The following CDK14 variants were observed in gnomAD, a reference collection of about 807,000 sequenced individuals.
The protein encoded by CDK14 is cyclin-dependent kinase 14.
CDK14 carries 34 observed loss-of-function variants against 60.7 expected under a neutral mutation model. The ratio of observed to expected loss-of-function variants is 0.56; its 90% CI spans 0.43 to 0.75. The LOEUF is 0.75. CDK14 is among the 30% of genes least tolerant of loss of function. The probability of loss-of-function intolerance (pLI) is 0.00; values close to 1 mark genes in which losing one functional copy is unlikely to be tolerated. For missense variants in CDK14, 482 were observed against 564.1 expected (o/e 0.85, Z 1.47); for synonymous variants, 197 against 203.7 (o/e 0.97, Z 0.28).
At chr7:90,716,098 A>G (rs1489620011) in intron 2 of CDK14, among the ~76,000 whole-genome samples, 1 of 151,980 alleles carries the variant, frequency 6.6e-6, no homozygotes, top group Non-Finnish European at 1.5e-5. Flanking sequence ...GAAAATGTAC[A>G]TACCTTCTTC....
chr7:90,854,239 C>T (rs1344320841), intron 5 of CDK14, among the ~76,000 whole-genome samples: 1 of 152,154 alleles, frequency 6.6e-6, no homozygotes, highest in Non-Finnish European at 1.5e-5. Context: ...CAAGGTCAGG[C>T]ACAGTGTATC....
chr7:90,840,736 T>A (rs192700583), intron 5 of CDK14, among the ~76,000 whole-genome samples: 166 of 152,328 alleles, frequency 1.1e-3, no homozygotes, highest in African/African-American at 3.8e-3. Context: ...CACTTCCACT[T>A]TGATGCATTC....
chr7:90,854,202 G>A (rs1790744858), intron 5 of CDK14, among the ~76,000 whole-genome samples: 1 of 152,122 alleles, frequency 6.6e-6, no homozygotes, highest in African/African-American at 2.4e-5. Context: ...CATTTAAAGA[G>A]AGGTTGATTT....
intron 6 of CDK14, among the ~76,000 whole-genome samples, chr7:90,885,753 A>G (rs1791922655): frequency 6.6e-6 from 1 of 152,186 alleles, no homozygotes; most frequent in African/African-American, 2.4e-5. Flanking sequence ...AAATGAGATC[A>G]TGTCCTTTGC....
At chr7:91,157,008 T>A (rs1200991690) in intron 14 of CDK14, among the ~76,000 whole-genome samples, 1 of 152,334 alleles carries the variant, frequency 6.6e-6, no homozygotes, top group East Asian at 1.9e-4. Flanking sequence ...AATTCCATCC[T>A]TGTGACTTAG....
chr7:90,839,456 G>A (rs1456834413), intron 5 of CDK14, among the ~76,000 whole-genome samples: 4 of 152,148 alleles, frequency 2.6e-5, no homozygotes, highest in Admixed American at 6.6e-5. Flanking sequence ...TTCTAGTGAC[G>A]AAGGTTGTAT....
chr7:90,691,109 A>G (rs1801542721), intron 2 of CDK14, among the ~76,000 whole-genome samples: 1 of 152,062 alleles, frequency 6.6e-6, no homozygotes, highest in Non-Finnish European at 1.5e-5. Flanking sequence ...TGGTCACACA[A>G]TTTGGTGTTT....
intron 14 of CDK14, among the ~76,000 whole-genome samples, chr7:91,125,536 G>T (rs896628299): frequency 6.6e-6 from 1 of 151,064 alleles, no homozygotes; most frequent in Non-Finnish European, 1.5e-5. Context: ...ACCAACGCAT[G>T]CACACACACA....
At chr7:91,119,811 A>T (rs1330105840) in intron 14 of CDK14, among the ~76,000 whole-genome samples, 1 of 152,154 alleles carries the variant, frequency 6.6e-6, no homozygotes, top group Non-Finnish European at 1.5e-5. Context: ...CAGTCAGAAG[A>T]TGTTACTGTT....
At position 90,861,731 on chromosome 7, in the gene CDK14, A is replaced by G. The variant is rs563817073; in HGVS notation, c.545-1444A>G. Among the ~76,000 whole-genome samples the G allele has an allele frequency of 6.6e-5, 10 of 152,280 alleles. 1 individual carries two copies. The highest frequency in any genetic ancestry group is 2.4e-4 in the African/African-American group (10 of 41,570). ...CCAAACCCTTCTTCTTTCGTCTCCC[A>G]GTGCCAGCTGTAAAAAGTACATAGA... On this transcript the variant is annotated intron_variant, in intron 5 of 14. Transcript: ENST00000380050.
intron 2 of CDK14, among the ~76,000 whole-genome samples, chr7:90,690,452 C>T (rs896574143): frequency 7.9e-5 from 12 of 152,156 alleles, no homozygotes; most frequent in Admixed American, 5.9e-4. Context: ...ATGGCAATAC[C>T]TGTAAAATAC....
chr7:91,043,636 CTT>C (rs1797151261), intron 10 of CDK14, among the ~76,000 whole-genome samples: 1 of 152,208 alleles, frequency 6.6e-6, no homozygotes, highest in Non-Finnish European at 1.5e-5. Context: ...TGTTACAACT[CTT>C]CAGCCCTCTT....
At chr7:90,696,124 A>G (rs1801649915) in intron 2 of CDK14, among the ~76,000 whole-genome samples, 1 of 152,170 alleles carries the variant, frequency 6.6e-6, no homozygotes, top group Admixed American at 6.5e-5. Flanking sequence ...AGTGGGATTT[A>G]AGTATGTTCT....
chr7:90,606,807 A>C (rs1361361061), intron 2 of CDK14, among the ~76,000 whole-genome samples: 2 of 152,196 alleles, frequency 1.3e-5, no homozygotes, highest in Admixed American at 1.3e-4. Flanking sequence ...AGAGTGATGA[A>C]TTAGGTGTTA....
chr7:90,970,737 G>A (rs1198943140), intron 9 of CDK14, among the ~76,000 whole-genome samples: 2 of 152,192 alleles, frequency 1.3e-5, no homozygotes, highest in African/African-American at 4.8e-5. Flanking sequence ...CATGGAGACT[G>A]CTGGAGTTCC....
chr7:91,173,475 G>A (rs1021362887), intron 14 of CDK14, among the ~76,000 whole-genome samples: 3 of 151,824 alleles, frequency 2.0e-5, no homozygotes, highest in African/African-American at 7.3e-5. Context: ...AATAGGAACA[G>A]CTCCGGTCTA....
chr7:91,144,249 A>G (rs1300452114), intron 14 of CDK14, among the ~76,000 whole-genome samples: 1 of 152,250 alleles, frequency 6.6e-6, no homozygotes, highest in East Asian at 1.9e-4. Context: ...AGTAAGAAAT[A>G]AAAAGTATAA....
rs1562917714 is a variant in CDK14 at position 91,131,245 on chromosome 7, C to T, written c.*28+13037C>T. ...ATGACCTGGATGCTTTTGAAGAGTA[C>T]TGTTCAGGTATTTTGCAGAATGTCC... is the stretch of plus-strand genomic sequence containing the variant. On this transcript the variant is annotated intron_variant, in intron 14 of 14. Coordinates refer to ENST00000380050, the MANE Select transcript of CDK14 (RefSeq NM_001287135.2). Among the ~76,000 whole-genome samples the T allele has an allele frequency of 2.0e-5, 3 of 151,972 alleles. 1 individual carries two copies. The highest frequency in any genetic ancestry group is 4.1e-4 in the South Asian group (2 of 4,822).
chr7:90,643,261 T>A (rs1450969302), intron 2 of CDK14, among the ~76,000 whole-genome samples: 1 of 152,150 alleles, frequency 6.6e-6, no homozygotes, highest in East Asian at 1.9e-4. Context: ...GACTGAAGAG[T>A]TGTCGGCTTT....
Sources: allele counts gnomAD v4.1 joint callset (sites outside exome capture counted in the v4.1 genomes callset), GRCh38; gene constraint gnomAD v4.1.1; transcripts MANE v1.5; gene names NCBI Gene and HGNC (gene_info 2026-07-23, HGNC 2026-07-21).